PRDX2: variants seen among roughly 807,000 people sequenced by gnomAD.
The protein encoded by PRDX2 is peroxiredoxin 2.
A neutral mutation model predicts 19.8 loss-of-function variants in PRDX2; 10 were observed. The observed-to-expected ratio is 0.50, with a 90% CI of 0.31 to 0.86. The LOEUF is 0.86. Ranked by LOEUF, PRDX2 falls within the 40% of genes least tolerant of loss-of-function variation. The pLI is 0.04. For missense variants in PRDX2, 226 were observed against 260.1 expected (o/e 0.87, Z 0.90); for synonymous variants, 118 against 108.2 (o/e 1.09, Z -0.56).
chr19:12,798,947 G>A (rs895938945), intron 5 of PRDX2, among the ~76,000 whole-genome samples: 4 of 152,036 alleles, frequency 2.6e-5, no homozygotes, highest in African/African-American at 9.7e-5. Context: ...TGGCGCCCAG[G>A]CTGGAGTGCA....
rs530985967 is a variant in PRDX2, at chr19:12,800,398, A to G, written c.258-99T>C. On this transcript the variant is annotated intron_variant, in intron 3 of 5. Transcript: ENST00000301522. ...GTGATAAGCACTGGAGGCCGGAGAT[A>G]AGGGGCTTTAGAGTAGGCCGCTGGG... The G allele has an allele frequency of 7.3e-5, 108 of 1,476,180 alleles. No homozygotes were observed. The South Asian group carries it at 1.3e-3, about 18-fold the overall frequency. The allele number at this position is 1,476,180 out of a possible 1,614,324, so 91.4% of individuals were successfully genotyped here.
Position 12,800,253 on chromosome 19 carries a change from G to T in PRDX2, c.304C>A (p.Pro102Thr), listed in dbSNP as rs771388515. ...KEGGLGPLNIPLLADVTRRLS... is the reference protein window; with the variant it reads ...KEGGLGPLNITLLADVTRRLS... ...CGTCTGGTCACGTCAGCAAGCAGGG[G>T]GATGTTCAGGGGGCCCAAGCCTCCC... Residue 102 changes from proline to threonine, a missense_variant, in exon 4 of 6, where the codon CCC (proline) becomes ACC (threonine). By Grantham distance (38) the Pro-to-Thr change is conservative. Coordinates refer to ENST00000301522, the MANE Select transcript of PRDX2 (RefSeq NM_005809.6). 10 of 1,613,692 alleles carry T rather than the reference G, an allele frequency of 6.2e-6. No homozygotes were observed. Among genetic ancestry groups the T allele is most frequent in the African/African-American group, 1.3e-5 (1 of 75,042 alleles).
chr19:12,800,950 C>T lies in PRDX2; in HGVS notation c.223G>A (p.Val75Ile), dbSNP rs780519777. 5 of 1,611,254 alleles carry T rather than the reference C, an allele frequency of 3.1e-6. No individual in the cohort carries two copies. Among genetic ancestry groups the T allele is most frequent in the South Asian group, 1.1e-5 (1 of 90,944 alleles). Residue 75 changes from valine to isoleucine, a missense_variant, in exon 3 of 6, where the codon GTC (valine) becomes ATC (isoleucine). By Grantham distance (29) the Val-to-Ile change is conservative (BLOSUM62 3). Coordinates refer to ENST00000301522, the MANE Select transcript of PRDX2 (RefSeq NM_005809.6). ...FRKLGCEVLG[V>I]SVDSQFTHLA... The stretch of plus-strand genomic sequence containing the variant: ...TGGGTGAACTGAGAGTCCACCGAGA[C>T]GCCCAGCACTTCACAGCCCAGCTTG...
intron 4 of PRDX2, 43 bp downstream of exon 4, chr19:12,800,134 G>T (rs1599527613): frequency 6.2e-7 from 1 of 1,606,586 alleles, no homozygotes; most frequent in East Asian, 2.2e-5. Context: ...ACAGGAATGG[G>T]GGGCAGGGCG....
intron 5 of PRDX2, 55 bp downstream of exon 5, chr19:12,799,804 A>C: frequency 6.3e-7 from 1 of 1,588,000 alleles, no homozygotes. Context: ...GAATGTTTGC[A>C]TGAGTGACGG....
intron 5 of PRDX2, among the ~76,000 whole-genome samples, chr19:12,798,441 T>TTGAG (rs1401036759): frequency 6.6e-6 from 1 of 151,722 alleles, no homozygotes; most frequent in Non-Finnish European, 1.5e-5. Context: ...AACCTCCGCC[T>TTGAG]CTCAGCTTCA....
chr19:12,799,626 C>T, intron 5 of PRDX2: 1 of 393,830 alleles, frequency 2.5e-6, no homozygotes, highest in Non-Finnish European at 4.5e-6. Context: ...TCCCAAAGTG[C>T]TGGCAATACA....
intron 1 of PRDX2, among the ~76,000 whole-genome samples, chr19:12,801,504 G>C (rs1016762072): frequency 1.3e-5 from 2 of 152,244 alleles, no homozygotes; most frequent in African/African-American, 4.8e-5. Flanking sequence ...GAGTCGGCCG[G>C]AGGGCGGTGT....
At position 12,800,921 on chromosome 19, in the gene PRDX2, C is replaced by T. The variant is rs748793958; in HGVS notation, c.252G>A (p.Leu84=). 6.2e-7 allele frequency: 1 copy of T among 1,609,974 alleles called. No homozygotes were observed. The highest frequency in any genetic ancestry group is 1.7e-5 in the Admixed American group (1 of 59,534). ...TCTTTGGCCCCTGCTCATACCAAGC[C>T]AGGTGGGTGAACTGAGAGTCCACCG... ...GVSVDSQFTH[L]AWINTPRKEG... The change falls in exon 3 of 6, where the codon CTG becomes CTA. Residue 84 remains leucine (L), a synonymous_variant. Coordinates refer to ENST00000301522, the MANE Select transcript of PRDX2 (RefSeq NM_005809.6).
intron 5 of PRDX2, among the ~76,000 whole-genome samples, chr19:12,798,323 G>A (rs1367079528): frequency 6.6e-6 from 1 of 150,440 alleles, no homozygotes; most frequent in Non-Finnish European, 1.5e-5. Flanking sequence ...GGGATTACAG[G>A]CATGAGCCAC....
At chr19:12,797,657 T>TTTCTTTTTTTC (rs1362637321) in intron 5 of PRDX2, among the ~76,000 whole-genome samples, 1 of 111,230 alleles carries the variant, frequency 9.0e-6, no homozygotes, top group East Asian at 2.3e-4. Flanking sequence ...TCTTTCTTTC[T>TTTCTTTTTTTC]TTTTTTTTTT....
intron 1 of PRDX2, 31 bp downstream of exon 1, chr19:12,801,709 C>A (rs1207937275): frequency 6.7e-6 from 2 of 297,094 alleles, no homozygotes; most frequent in African/African-American, 4.4e-5. Context: ...GAAGGGGGTC[C>A]TCCCGCCAGG....
Position 12,797,061 on chromosome 19 carries a change from C to G in PRDX2, c.*20G>C. On this transcript the variant is annotated 3_prime_UTR_variant, in exon 6 of 6. Coordinates refer to ENST00000301522, the MANE Select transcript of PRDX2 (RefSeq NM_005809.6). ...ACAGGCACCTAGGCAGGGGCACAAG[C>G]TCACTATCCGTTAGCCAGCCTAATT... 3 of 1,612,908 alleles carry G rather than the reference C, an allele frequency of 1.9e-6. No homozygotes were observed. The highest frequency in any genetic ancestry group is 2.5e-6 in the Non-Finnish European group (3 of 1,179,572).
chr19:12,799,196 G>T (rs1968846326), intron 5 of PRDX2, among the ~76,000 whole-genome samples: 1 of 151,358 alleles, frequency 6.6e-6, no homozygotes, highest in South Asian at 2.1e-4. Flanking sequence ...ACCGCGCTCG[G>T]CCTGTTTGTT....
intron 5 of PRDX2, chr19:12,799,615 T>C: frequency 2.8e-6 from 1 of 355,694 alleles, no homozygotes; most frequent in East Asian, 6.4e-5. Flanking sequence ...CTGCCACAGC[T>C]TCCCAAAGTG....
chr19:12,797,644 T>TTTTCTTTCTTTC (rs1198956972), intron 5 of PRDX2, among the ~76,000 whole-genome samples: 1 of 146,414 alleles, frequency 6.8e-6, no homozygotes, highest in African/African-American at 2.6e-5. Flanking sequence ...TTTTCTTCTT[T>TTTTCTTTCTTTC]TTTCTTTCTT....
At position 12,799,923 on chromosome 19, in the gene PRDX2, T is replaced by C. The variant is rs1968858056; in HGVS notation, c.447A>G (p.Gly149=). 1 of 1,613,794 alleles carries C rather than the reference T, an allele frequency of 6.2e-7. No individual in the cohort carries two copies. Among genetic ancestry groups the C allele is most frequent in the African/African-American group, 1.3e-5 (1 of 74,854 alleles). ...RQITVNDLPV[G]RSVDEALRLV... ...GCCGCAGAGCCTCATCCACGGAGCG[T>C]CCCACAGGCAAATCATTAACAGTGA... Residue 149 remains glycine (G), a synonymous_variant, in exon 5 of 6, where the codon GGA becomes GGG. Coordinates refer to ENST00000301522, the MANE Select transcript of PRDX2 (RefSeq NM_005809.6).
intron 3 of PRDX2, 46 bp from the exon 4 acceptor site, chr19:12,800,345 A>T (rs974299063): frequency 2.5e-6 from 4 of 1,592,586 alleles, no homozygotes; most frequent in Non-Finnish European, 3.4e-6. Context: ...TGCCTGGCAC[A>T]GCAGGGTCCT....
At chr19:12,801,301 G>T in intron 1 of PRDX2, 31 bp from the exon 2 acceptor site, 1 of 1,580,730 alleles carries the variant, frequency 6.3e-7, no homozygotes. Flanking sequence ...GTGCGCCCGG[G>T]AAGACACTTT....
Sources: gnomAD v4.1 joint callset for allele counts (sites outside exome capture counted in the v4.1 genomes callset) on GRCh38, gnomAD v4.1.1 for gene constraint, MANE v1.5 for transcripts, NCBI Gene and HGNC (gene_info 2026-07-23, HGNC 2026-07-21) for gene names.